ZNF385D: variants seen among roughly 807,000 people sequenced by gnomAD.
ZNF385D encodes the protein zinc finger protein 659.
A neutral mutation model predicts 35.8 loss-of-function variants in ZNF385D; 15 were observed. The observed-to-expected ratio is 0.42, with a 90% confidence interval of 0.28 to 0.64. The LOEUF (loss-of-function observed/expected upper bound fraction) is 0.64, where lower values mean the gene tolerates loss of function less well. Among genes scored for constraint, ZNF385D ranks in the 30% least tolerant of loss-of-function variants. ZNF385D has a pLI of 0.23. For missense variants in ZNF385D, 474 were observed against 494.6 expected, an observed-to-expected ratio of 0.96 and a Z score of 0.39; for synonymous variants, 212 against 186.8, an observed-to-expected ratio of 1.13 and a Z score of -1.10.
chr3:22,116,526 G>A (rs1702819979), intron 3 of ZNF385D, among the ~76,000 whole-genome samples: 1 of 151,956 alleles, frequency 6.6e-6, no homozygotes, highest in South Asian at 2.1e-4. Context: ...GAAGAAAACA[G>A]AAAAAAGAGA....
At chr3:21,793,598 A>G (rs2072019574) in intron 3 of ZNF385D, among the ~76,000 whole-genome samples, 1 of 152,346 alleles carries the variant, frequency 6.6e-6, no homozygotes, top group East Asian at 1.9e-4. Flanking sequence ...GCTGATCTTC[A>G]GGTAAAAAAA....
At chr3:22,132,363 A>G (rs778148862) in intron 3 of ZNF385D, among the ~76,000 whole-genome samples, 4 of 152,198 alleles carry the variant, frequency 2.6e-5, no homozygotes, top group Non-Finnish European at 5.9e-5. Context: ...TGGACTTCCC[A>G]GCCTTCAGAA....
At chr3:22,371,909 T>C (rs1011750718) in intron 2 of ZNF385D, among the ~76,000 whole-genome samples, 1 of 152,224 alleles carries the variant, frequency 6.6e-6, no homozygotes, top group South Asian at 2.1e-4. Flanking sequence ...TCTCAGGTTT[T>C]TTTAAGTATT....
At chr3:21,576,850 T>G (rs2063510266) in intron 2 of ZNF385D, among the ~76,000 whole-genome samples, 1 of 152,230 alleles carries the variant, frequency 6.6e-6, no homozygotes, top group Admixed American at 6.5e-5. Flanking sequence ...AACAGGTTTT[T>G]TCTATACAAT....
intron 2 of ZNF385D, among the ~76,000 whole-genome samples, chr3:21,602,635 C>A (rs1467963988): frequency 1.3e-5 from 2 of 148,540 alleles, no homozygotes. Context: ...CGGGTTCACG[C>A]CATTCTCCTG....
At chr3:21,648,241 A>G (rs1220209106) in intron 2 of ZNF385D, among the ~76,000 whole-genome samples, 1 of 152,170 alleles carries the variant, frequency 6.6e-6, no homozygotes, top group African/African-American at 2.4e-5. Flanking sequence ...TCTGATGATC[A>G]TATAAGCACC....
intron 3 of ZNF385D, among the ~76,000 whole-genome samples, chr3:22,142,515 T>C (rs1025568909): frequency 6.6e-6 from 1 of 152,156 alleles, no homozygotes; most frequent in Non-Finnish European, 1.5e-5. Flanking sequence ...TTTGTATACA[T>C]ATTTATTGCT....
chr3:22,163,354 A>C (rs1706096682), intron 3 of ZNF385D, among the ~76,000 whole-genome samples: 3 of 152,172 alleles, frequency 2.0e-5, no homozygotes, highest in African/African-American at 4.8e-5. Flanking sequence ...TCAGAAACCG[A>C]AGTTAGTCTT....
intron 2 of ZNF385D, among the ~76,000 whole-genome samples, chr3:22,251,091 A>G (rs894215275): frequency 1.3e-5 from 2 of 152,144 alleles, no homozygotes; most frequent in African/African-American, 2.4e-5. Flanking sequence ...GCCACTTGCA[A>G]TTTCAGTATT....
chr3:21,855,932 C>A (rs1203931410), intron 3 of ZNF385D, among the ~76,000 whole-genome samples: 1 of 151,810 alleles, frequency 6.6e-6, no homozygotes, highest in Non-Finnish European at 1.5e-5. Flanking sequence ...AACATGCTGC[C>A]ACCAAACACA....
At chr3:21,810,200 T>C (rs531675603) in intron 3 of ZNF385D, among the ~76,000 whole-genome samples, 4 of 152,186 alleles carry the variant, frequency 2.6e-5, no homozygotes, top group South Asian at 2.1e-4. Context: ...TCATGATCAA[T>C]TAGGGTTTCT....
intron 1 of ZNF385D, among the ~76,000 whole-genome samples, chr3:21,740,382 G>A (rs2069453886): frequency 6.6e-6 from 1 of 152,096 alleles, no homozygotes; most frequent in Admixed American, 6.6e-5. Context: ...CACTGAGTCA[G>A]GATCTATATT....
chr3:21,957,932 G>A (rs1702375970), intron 3 of ZNF385D, among the ~76,000 whole-genome samples: 1 of 152,012 alleles, frequency 6.6e-6, no homozygotes, highest in Non-Finnish European at 1.5e-5. Flanking sequence ...TACCACTAAT[G>A]TTGTCATTCA....
intron 3 of ZNF385D, among the ~76,000 whole-genome samples, chr3:21,961,718 C>T (rs78681395): frequency 0.019 from 2,934 of 152,120 alleles, 39 homozygotes; most frequent in Non-Finnish European, 0.029. Context: ...ATATAGGATT[C>T]TAACATGATC....
chr3:21,727,949 T>C (rs2068835508), intron 1 of ZNF385D, among the ~76,000 whole-genome samples: 2 of 151,596 alleles, frequency 1.3e-5, no homozygotes, highest in Non-Finnish European at 2.9e-5. Context: ...ATAAAGAAAA[T>C]GTGGCCATAA....
At chr3:21,625,863 G>T (rs1259672969) in intron 2 of ZNF385D, among the ~76,000 whole-genome samples, 1 of 152,100 alleles carries the variant, frequency 6.6e-6, no homozygotes, top group Non-Finnish European at 1.5e-5. Context: ...CTATTAGTCA[G>T]TGCTGCCAAA....
Position 22,187,164 on chromosome 3 carries a change from T to C in ZNF385D, c.107-18129A>G, listed in dbSNP as rs143791066. On this transcript the variant is annotated intron_variant, in intron 2 of 5. Coordinates refer to the ZNF385D transcript ENST00000494108. Reference sequence around the variant, plus strand: ...TCTTCAAAAATTTCGTGGCCATTCTTCACTAATATTTCTTTGTTTCTTTGT... The same window carrying C: ...TCTTCAAAAATTTCGTGGCCATTCTCCACTAATATTTCTTTGTTTCTTTGT... Among the ~76,000 whole-genome samples the C allele has an allele frequency of 1.4e-3, 211 of 152,290 alleles. 3 individuals carry two copies. The South Asian group carries it at 0.029, about 21-fold the overall frequency.
chr3:21,890,005 T>G (rs1263593126), intron 3 of ZNF385D, among the ~76,000 whole-genome samples: 3 of 152,160 alleles, frequency 2.0e-5, no homozygotes, highest in Admixed American at 6.5e-5. Context: ...ACTAGTCATA[T>G]TAGATGAGCC....
intron 3 of ZNF385D, among the ~76,000 whole-genome samples, chr3:21,937,655 A>C (rs1328653962): frequency 1.3e-5 from 2 of 152,012 alleles, no homozygotes; most frequent in Non-Finnish European, 2.9e-5. Context: ...AAAAATTTAA[A>C]TGACGTTATT....
Sources: allele counts gnomAD v4.1 joint callset (sites outside exome capture counted in the v4.1 genomes callset), GRCh38; gene constraint gnomAD v4.1.1; transcripts MANE v1.5; gene names NCBI Gene and HGNC (gene_info 2026-07-23, HGNC 2026-07-21).